Variants in CHRM2 observed in about 807,000 individuals in gnomAD.
CHRM2 encodes cholinergic receptor muscarinic 2, also known as muscarinic acetylcholine receptor M2.
In CHRM2, 8 loss-of-function variants were observed where a neutral mutation model predicts 25.0. The ratio of observed to expected loss-of-function variants is 0.32; its 90% CI spans 0.19 to 0.58. The LOEUF (loss-of-function observed/expected upper bound fraction) is 0.58. Ranked by LOEUF, CHRM2 falls within the 20% of genes least tolerant of loss-of-function variation. The pLI, the probability that CHRM2 is intolerant of heterozygous loss-of-function variation, is 0.88. For synonymous variants in CHRM2, 202 were observed against 205.7 expected (o/e 0.98, Z 0.15); for missense variants, 440 against 567.1 (o/e 0.78, Z 2.28).
chr7:136,928,381 C>T (rs548428905), intron 2 of CHRM2, among the ~76,000 whole-genome samples: 2 of 152,070 alleles, frequency 1.3e-5, no homozygotes, highest in Non-Finnish European at 1.5e-5. Flanking sequence ...AGCATAGAGA[C>T]TGGAAAGTAG....
At chr7:136,990,644 A>G (rs976516789) in intron 2 of CHRM2, among the ~76,000 whole-genome samples, 1 of 152,150 alleles carries the variant, frequency 6.6e-6, no homozygotes, top group African/African-American at 2.4e-5. Context: ...TTGCTTCCAC[A>G]TTATGGCAAT....
At chr7:136,999,607 C>T (rs1803851291) in intron 3 of CHRM2, among the ~76,000 whole-genome samples, 1 of 148,170 alleles carries the variant, frequency 6.7e-6, no homozygotes, top group South Asian at 2.1e-4. Context: ...TCCATGTGTT[C>T]TCATTGTTCA....
intron 2 of CHRM2, among the ~76,000 whole-genome samples, chr7:136,901,071 C>T (rs1797178191): frequency 6.6e-6 from 1 of 152,002 alleles, no homozygotes; most frequent in Non-Finnish European, 1.5e-5. Flanking sequence ...AATGATATAA[C>T]AGTAATTGAG....
intron 2 of CHRM2, among the ~76,000 whole-genome samples, chr7:136,907,308 TGTAA>T (rs977780579): frequency 3.3e-5 from 5 of 151,900 alleles, no homozygotes; most frequent in African/African-American, 1.2e-4. Flanking sequence ...ACTTCAAGAC[TGTAA>T]GTGTGTATTA....
intron 2 of CHRM2, among the ~76,000 whole-genome samples, chr7:136,984,727 G>C (rs1802729182): frequency 6.6e-6 from 1 of 151,922 alleles, no homozygotes; most frequent in South Asian, 2.1e-4. Flanking sequence ...GCACTTCCTG[G>C]GTGAGGCAAT....
At chr7:136,940,450 C>CT (rs1051474598) in intron 2 of CHRM2, among the ~76,000 whole-genome samples, 39 of 152,322 alleles carry the variant, frequency 2.6e-4, no homozygotes, top group African/African-American at 8.9e-4. Flanking sequence ...ACTCAATCAT[C>CT]TTGTACCTTA....
intron 2 of CHRM2, among the ~76,000 whole-genome samples, chr7:136,944,934 T>C (rs866760434): frequency 2.6e-5 from 4 of 152,124 alleles, no homozygotes; most frequent in African/African-American, 7.2e-5. Context: ...TTTTTGATTA[T>C]GGCCATTCTT....
chr7:136,890,266 G>T (rs907581993), intron 2 of CHRM2, among the ~76,000 whole-genome samples: 2 of 152,208 alleles, frequency 1.3e-5, no homozygotes, highest in East Asian at 3.9e-4. Flanking sequence ...GTGGGCACAT[G>T]GACTCCGAAC....
chr7:136,933,919 T>C (rs1233701347), intron 2 of CHRM2, among the ~76,000 whole-genome samples: 1 of 152,112 alleles, frequency 6.6e-6, no homozygotes, highest in Non-Finnish European at 1.5e-5. Flanking sequence ...TTTGGGAAAA[T>C]TGCAAGTAAC....
At chr7:136,891,446 G>A (rs1796687301) in intron 2 of CHRM2, among the ~76,000 whole-genome samples, 1 of 152,154 alleles carries the variant, frequency 6.6e-6, no homozygotes, top group South Asian at 2.1e-4. Context: ...GGGTGATGGG[G>A]TTTGGGGGAT....
intron 2 of CHRM2, among the ~76,000 whole-genome samples, chr7:136,988,304 G>GAGGGAAGGAGAGGGA (rs1802991585): frequency 6.6e-6 from 1 of 151,832 alleles, no homozygotes; most frequent in African/African-American, 2.4e-5. Flanking sequence ...AAGAGGAGGT[G>GAGGGAAGGAGAGGGA]AGGGAAGGAG....
chr7:136,953,484 T>C (rs1385768369), intron 2 of CHRM2, among the ~76,000 whole-genome samples: 1 of 152,120 alleles, frequency 6.6e-6, no homozygotes, highest in Admixed American at 6.6e-5. Flanking sequence ...ATTTATTTTG[T>C]CTATCCTTAG....
chr7:137,000,106 C>T (rs1192609554), intron 3 of CHRM2, among the ~76,000 whole-genome samples: 1 of 151,868 alleles, frequency 6.6e-6, no homozygotes, highest in East Asian at 1.9e-4. Context: ...CCAACCTAGC[C>T]AGAGTCAACT....
intron 2 of CHRM2, among the ~76,000 whole-genome samples, chr7:136,875,845 C>A (rs1796031845): frequency 6.6e-6 from 1 of 152,154 alleles, no homozygotes; most frequent in Non-Finnish European, 1.5e-5. Context: ...GTACAGTGTA[C>A]ATGCTAAATA....
intron 3 of CHRM2, among the ~76,000 whole-genome samples, chr7:137,006,223 C>T (rs1313809829): frequency 2.0e-5 from 3 of 152,090 alleles, no homozygotes; most frequent in Non-Finnish European, 2.9e-5. Context: ...TGGGTATTTT[C>T]AGGTTTCATT....
intron 2 of CHRM2, among the ~76,000 whole-genome samples, chr7:136,974,012 T>C (rs1395588269): frequency 6.6e-6 from 1 of 152,186 alleles, no homozygotes; most frequent in Non-Finnish European, 1.5e-5. Context: ...TTTTGTAATA[T>C]TGTCACTTAC....
chr7:136,989,503 C>T (rs962596146), intron 2 of CHRM2, among the ~76,000 whole-genome samples: 2 of 152,132 alleles, frequency 1.3e-5, no homozygotes, highest in East Asian at 1.9e-4. Flanking sequence ...GATGTGCATC[C>T]ATGATACCCA....
At chr7:136,999,124 C>G (rs1053115213) in intron 3 of CHRM2, among the ~76,000 whole-genome samples, 2 of 152,126 alleles carry the variant, frequency 1.3e-5, no homozygotes, top group Non-Finnish European at 2.9e-5. Flanking sequence ...TTTCCCTACC[C>G]TGTTTATTTG....
chr7:136,887,455 A>G (rs1796511520), intron 2 of CHRM2, among the ~76,000 whole-genome samples: 1 of 152,032 alleles, frequency 6.6e-6, no homozygotes, highest in Non-Finnish European at 1.5e-5. Flanking sequence ...CAACTCTTAT[A>G]CTCTTGGGTT....
Sources: allele counts gnomAD v4.1 joint callset (sites outside exome capture counted in the v4.1 genomes callset), GRCh38; gene constraint gnomAD v4.1.1; transcripts MANE v1.5; gene names NCBI Gene and HGNC (gene_info 2026-07-23, HGNC 2026-07-21).